XKR4: variants seen among roughly 807,000 people sequenced by gnomAD.
The protein encoded by XKR4 is XK-related protein 4.
Under a neutral mutation model 53.9 loss-of-function variants are expected in XKR4, and 12 were observed. The observed-to-expected ratio is 0.22, with a 90% CI of 0.14 to 0.36. XKR4 has a LOEUF of 0.36. Among genes scored for constraint, XKR4 ranks in the 10% least tolerant of loss-of-function variants. The probability of loss-of-function intolerance (pLI) is 1.00; values close to 1 mark genes in which losing one functional copy is unlikely to be tolerated. For synonymous variants in XKR4, 354 were observed against 362.4 expected, an observed-to-expected ratio of 0.98 and a Z score of 0.26; for missense variants, 799 against 859.5, an observed-to-expected ratio of 0.93 and a Z score of 0.88.
intron 1 of XKR4, among the ~76,000 whole-genome samples, chr8:55,287,887 T>C (rs962995461): frequency 1.3e-5 from 2 of 152,232 alleles, no homozygotes; most frequent in Admixed American, 1.3e-4. Context: ...TTAGCAGGAA[T>C]AAAGGAACTC....
intron 2 of XKR4, among the ~76,000 whole-genome samples, chr8:55,445,075 T>C (rs1016751409): frequency 2.6e-5 from 4 of 152,216 alleles, no homozygotes; most frequent in African/African-American, 7.2e-5. Flanking sequence ...GTTTTTGTTT[T>C]GAAACAGAGT....
intron 1 of XKR4, among the ~76,000 whole-genome samples, chr8:55,239,888 T>C (rs1437591956): frequency 6.6e-6 from 1 of 152,138 alleles, no homozygotes; most frequent in Non-Finnish European, 1.5e-5. Context: ...TGCAAACCAT[T>C]TCCTCAAAGT....
Position 55,417,615 on chromosome 8 carries a change from G to C in XKR4, c.1006+59738G>C, listed in dbSNP as rs982003821. On this transcript the variant is annotated intron_variant, in intron 2 of 2. Coordinates refer to ENST00000327381, the MANE Select transcript of XKR4 (RefSeq NM_052898.2). Reference sequence around the variant, plus strand: ...TGTAGCTGTAGGGTATTATCATTTTGCTGGATGTATGTGAATCACAAAAGT... The same window carrying C: ...TGTAGCTGTAGGGTATTATCATTTTCCTGGATGTATGTGAATCACAAAAGT... Among the ~76,000 whole-genome samples, 10 of 152,306 alleles carry C rather than the reference G, an allele frequency of 6.6e-5. 1 individual carries two copies. In the South Asian group the frequency reaches 1.5e-3, roughly 22 times the overall value.
At chr8:55,440,751 G>A (rs754631478) in intron 2 of XKR4, among the ~76,000 whole-genome samples, 4 of 152,052 alleles carry the variant, frequency 2.6e-5, no homozygotes. Context: ...GATTGTAAAG[G>A]AACTATAATC....
At position 55,451,760 on chromosome 8, in the gene XKR4, G is replaced by A. The variant is rs1370529546; in HGVS notation, c.1007-71521G>A. ...GATTCAGACTTGGCCCGGCTCAGGCGGCTGCTCAGGGGGCCCAGGCCAAGG... is the reference window on the plus strand; with the variant it reads ...GATTCAGACTTGGCCCGGCTCAGGCAGCTGCTCAGGGGGCCCAGGCCAAGG... On this transcript the variant is annotated intron_variant, in intron 2 of 2. Coordinates refer to ENST00000327381, the MANE Select transcript of XKR4 (RefSeq NM_052898.2). 2.7e-6 allele frequency: 3 copies of A among 1,103,564 alleles called. No individual in the cohort carries two copies. The African/African-American group carries it at 4.6e-5, about 17-fold the overall frequency. The allele number at this position is 1,103,564 out of a possible 1,614,324, so 68.4% of individuals were successfully genotyped here.
chr8:55,514,781 G>T (rs528764347), intron 2 of XKR4, among the ~76,000 whole-genome samples: 1 of 152,114 alleles, frequency 6.6e-6, no homozygotes, highest in Non-Finnish European at 1.5e-5. Flanking sequence ...GTTACTTATT[G>T]TATCATCATT....
At position 55,103,006 on chromosome 8, in the gene XKR4, C is replaced by A. The variant is rs1554559135; in HGVS notation, c.518C>A (p.Thr173Asn). The A allele has an allele frequency of 6.2e-7, 1 of 1,612,198 alleles. No homozygotes were observed. The highest frequency in any genetic ancestry group is 8.5e-7 in the Non-Finnish European group (1 of 1,179,844). Residue 173 changes from threonine to asparagine, a missense_variant, in exon 1 of 3, where the codon ACC becomes AAC. Coordinates refer to ENST00000327381, the MANE Select transcript of XKR4 (RefSeq NM_052898.2). ...CGCTGGTTTGTGCACGATTTCAGCA[C>A]CGAGGACAGCGCCACGGCCGCTGCT... ...SFRWFVHDFS[T>N]EDSATAAAAS...
intron 1 of XKR4, among the ~76,000 whole-genome samples, chr8:55,155,527 G>C (rs2129356190): frequency 6.6e-6 from 1 of 151,268 alleles, no homozygotes. Context: ...AAGTGCTCTT[G>C]GGAATTTAAG....
chr8:55,124,288 T>A (rs1816431657), intron 1 of XKR4, among the ~76,000 whole-genome samples: 1 of 152,146 alleles, frequency 6.6e-6, no homozygotes, highest in Non-Finnish European at 1.5e-5. Context: ...TCTTCTCAGC[T>A]CTTTGTGGAA....
intron 2 of XKR4, among the ~76,000 whole-genome samples, chr8:55,402,031 C>T (rs1050130872): frequency 8.5e-5 from 13 of 152,190 alleles, no homozygotes; most frequent in African/African-American, 1.2e-4. Context: ...ATCTTTTTCA[C>T]GTCTGGCTAA....
intron 1 of XKR4, among the ~76,000 whole-genome samples, chr8:55,182,480 A>G (rs1015371363): frequency 1.3e-5 from 2 of 152,150 alleles, no homozygotes; most frequent in African/African-American, 4.8e-5. Context: ...GTGTTTGTAC[A>G]TGAGGTGAGG....
chr8:55,426,787 C>A (rs1246461990), intron 2 of XKR4, among the ~76,000 whole-genome samples: 1 of 152,156 alleles, frequency 6.6e-6, no homozygotes, highest in African/African-American at 2.4e-5. Flanking sequence ...TGAAACCAAC[C>A]CAAACTATGC....
At chr8:55,188,889 A>T (rs1173396835) in intron 1 of XKR4, among the ~76,000 whole-genome samples, 3 of 152,234 alleles carry the variant, frequency 2.0e-5, no homozygotes. Context: ...CTTAATACAG[A>T]ATCTATCCAT....
Position 55,102,773 on chromosome 8 carries a change from G to A in XKR4, c.285G>A (p.Ala95=), listed in dbSNP as rs150889073. The A allele has an allele frequency of 1.9e-6, 3 of 1,547,800 alleles. No homozygotes were observed. The highest frequency in any genetic ancestry group is 3.7e-5 in the Admixed American group (2 of 53,686). ...GCGGCGGCGGGGCGGGCTCGGCTGC[G>A]CTGTGCCTGCGCCTGGGCAGGGAGC... is the stretch of plus-strand genomic sequence containing the variant. ...GPGGGGAGSA[A]LCLRLGREQR... is the part of the protein sequence containing the mutation. The change falls in exon 1 of 3, where the codon GCG becomes GCA. Residue 95 remains alanine (A), a synonymous_variant. Coordinates refer to ENST00000327381, the MANE Select transcript of XKR4 (RefSeq NM_052898.2). The surrounding 1 kb of genome is among the most constrained non-coding windows in gnomAD (Gnocchi z 5.1).
intron 2 of XKR4, among the ~76,000 whole-genome samples, chr8:55,472,144 C>T (rs1032255835): frequency 2.6e-5 from 4 of 152,060 alleles, no homozygotes; most frequent in African/African-American, 9.7e-5. Context: ...CAGTGTCAGC[C>T]TGGAAATCAG....
chr8:55,275,478 C>T (rs1472391471), intron 1 of XKR4, among the ~76,000 whole-genome samples: 1 of 152,074 alleles, frequency 6.6e-6, no homozygotes, highest in Non-Finnish European at 1.5e-5. Context: ...TTTGGCTGAA[C>T]AGGATAAATA....
At chr8:55,145,587 C>T (rs1816763665) in intron 1 of XKR4, among the ~76,000 whole-genome samples, 1 of 152,172 alleles carries the variant, frequency 6.6e-6, no homozygotes, top group South Asian at 2.1e-4. Context: ...ATCTACAGCG[C>T]ATCAAAATGA....
rs145776798 is a variant in XKR4, at chr8:55,286,979, C to A, written c.807-70699C>A. On this transcript the variant is annotated intron_variant, in intron 1 of 2. Coordinates refer to ENST00000327381, the MANE Select transcript of XKR4 (RefSeq NM_052898.2). ...TATATTAATTCTAGTTATTCCATAC[C>A]TGTAAAATGTGAAAATTAGGCAAAC... 5.2e-3 allele frequency among the ~76,000 whole-genome samples: 785 copies of A among 151,860 alleles called. 3 individuals carry two copies. Among genetic ancestry groups the A allele is most frequent in the South Asian group, 0.026 (123 of 4,786 alleles).
intron 2 of XKR4, among the ~76,000 whole-genome samples, chr8:55,460,881 T>G (rs374949736): frequency 6.6e-6 from 1 of 152,238 alleles, no homozygotes; most frequent in South Asian, 2.1e-4. Context: ...CCTTGCTCAT[T>G]GCTAGCACAG....
Sources: allele counts gnomAD v4.1 joint callset (sites outside exome capture counted in the v4.1 genomes callset), GRCh38; gene constraint gnomAD v4.1.1; non-coding constraint Gnocchi (gnomAD v3.1); transcripts MANE v1.5; gene names NCBI Gene and HGNC (gene_info 2026-07-23, HGNC 2026-07-21).